The following USP30 variants were observed in gnomAD, a reference collection of about 807,000 sequenced individuals.
USP30 encodes the protein ubiquitin carboxyl-terminal hydrolase 30.
USP30 carries 41 observed loss-of-function variants against 68.2 expected under a neutral mutation model. That is an observed-to-expected ratio of 0.60 (90% confidence interval 0.47 to 0.78). The LOEUF (loss-of-function observed/expected upper bound fraction) is 0.78. Ranked by LOEUF, USP30 falls within the 30% of genes least tolerant of loss-of-function variation. The pLI, the probability that USP30 is intolerant of heterozygous loss-of-function variation, is 0.00. For synonymous variants in USP30, 229 were observed against 253.7 expected (o/e 0.90, Z 0.93); for missense variants, 522 against 649.4 (o/e 0.80, Z 2.13).
intron 7 of USP30, 65 bp downstream of exon 7, chr12:109,073,597 G>A: frequency 1.4e-6 from 2 of 1,429,930 alleles, no homozygotes; most frequent in Non-Finnish European, 2.0e-6. Context: ...ATTCTTGAAA[G>A]GACCTAGAGA....
In USP30 at chr12:109,067,551, A is replaced by T. The variant is rs762546878; in HGVS notation, c.404A>T (p.Asp135Val). ...TTGTCCTGCCAAGAAGTTACTGATG[A>T]TGAGGTCTTAGATGCAAGCTGCTTG... Reference protein sequence around the residue: ...KALSCQEVTDDEVLDASCLLD... With the variant: ...KALSCQEVTDVEVLDASCLLD... Residue 135 changes from aspartate to valine, a missense_variant, in exon 4 of 13, where the codon GAT becomes GTT. Transcript: ENST00000257548. 1 of 1,614,108 alleles carries T rather than the reference A, an allele frequency of 6.2e-7. No homozygotes were observed. Among genetic ancestry groups the T allele is most frequent in the East Asian group, 2.2e-5 (1 of 44,880 alleles).
At position 109,032,018 on chromosome 12, in the gene USP30, C is replaced by G. The variant is rs149172256; in HGVS notation, c.-136+4462C>G. 8.3e-4 allele frequency among the ~76,000 whole-genome samples: 125 copies of G among 151,382 alleles called. 1 individual carries two copies. The highest frequency in any genetic ancestry group is 1.3e-3 in the Non-Finnish European group (89 of 67,958). ...TTGGGAGACTAAGGTAGGAGGATCACTTGAGCCTAGGCAGTCAAAGCTACA... is the reference window on the plus strand; with the variant it reads ...TTGGGAGACTAAGGTAGGAGGATCAGTTGAGCCTAGGCAGTCAAAGCTACA... On this transcript the variant is annotated intron_variant, in intron 3 of 15. Transcript: ENST00000392784.
chr12:109,058,588 T>C lies in USP30; in HGVS notation c.376+480T>C, dbSNP rs945477861. Among the ~76,000 whole-genome samples, 400 of 128,066 alleles carry C rather than the reference T, an allele frequency of 3.1e-3. 6 individuals are homozygous for C. The highest frequency in any genetic ancestry group is 0.011 in the African/African-American group (391 of 34,924). The allele number at this position is 128,066 out of a possible 152,430, so 84.0% of individuals were successfully genotyped here. ...ACTCCGTCTCAAAAAAAAAAAAAAA[T>C]CAAAGATGGAACCATTTATTTTTTA... On this transcript the variant is annotated intron_variant, in intron 3 of 12. Transcript: ENST00000257548.
At position 109,081,660 on chromosome 12, in the gene USP30, C is replaced by CACACACACACACACAG. The variant is rs2041806623; in HGVS notation, c.780+270_781-269insCACACACACACAGACA. 8.8e-6 allele frequency: 5 copies of CACACACACACACACAG among 565,438 alleles called. No homozygotes were observed. In the South Asian group the frequency reaches 1.1e-4, roughly 12 times the overall value. The allele number at this position is 565,438 out of a possible 1,614,324, so 35.0% of individuals were successfully genotyped here. A position where few individuals can be genotyped will look rare whatever the true frequency, so the allele number is the denominator to read the frequency against. ...ACACACACACACACACACACACACA[C>CACACACACACACACAG]ACAGACATTAACCTCAGATTGAAAG... On this transcript the variant is annotated intron_variant, in intron 8 of 12. Transcript: ENST00000257548.
chr12:109,051,674 A>G (rs2040676793), upstream of USP30, among the ~76,000 whole-genome samples: 1 of 150,886 alleles, frequency 6.6e-6, no homozygotes, highest in Non-Finnish European at 1.5e-5. Flanking sequence ...GGTTCAAGCA[A>G]TTCTCCTGCC....
chr12:109,085,308 T>C (rs2041915278), intron 12 of USP30, among the ~76,000 whole-genome samples: 1 of 152,140 alleles, frequency 6.6e-6, no homozygotes, highest in African/African-American at 2.4e-5. Context: ...TATATATGTG[T>C]GTATGTATAA....
In USP30 at chr12:109,028,236, T is replaced by C. The variant is rs146498790; in HGVS notation, c.-136+680T>C. On this transcript the variant is annotated intron_variant, in intron 3 of 15. Transcript: ENST00000392784. ...TTGTTCGGGGATTTTTGCTGTTGAGTTGCAGGAATATTCTATTAGGCCATT... is the reference window on the plus strand; with the variant it reads ...TTGTTCGGGGATTTTTGCTGTTGAGCTGCAGGAATATTCTATTAGGCCATT... Among the ~76,000 whole-genome samples the C allele has an allele frequency of 3.4e-3, 525 of 152,300 alleles. 5 individuals are homozygous for C. Among genetic ancestry groups the C allele is most frequent in the African/African-American group, 0.011 (460 of 41,560 alleles).
chr12:109,043,729 G>T (rs2040580735), intron 3 of USP30, among the ~76,000 whole-genome samples: 1 of 152,168 alleles, frequency 6.6e-6, no homozygotes, highest in South Asian at 2.1e-4. Flanking sequence ...TGGCAAATTG[G>T]ACTTCATGAA....
intron 3 of USP30, among the ~76,000 whole-genome samples, chr12:109,032,143 C>CAA (rs1262380969): frequency 7.1e-6 from 1 of 139,962 alleles, no homozygotes; most frequent in African/African-American, 2.6e-5. Context: ...CCCGTCTCTA[C>CAA]AAAAAAAAAA....
At chr12:109,057,259 G>A (rs1326164138) in intron 2 of USP30, among the ~76,000 whole-genome samples, 1 of 151,668 alleles carries the variant, frequency 6.6e-6, no homozygotes, top group African/African-American at 2.4e-5. Flanking sequence ...TTAAAATTCA[G>A]CAAAGAAAGA....
At position 109,086,172 on chromosome 12, in the gene USP30, G is replaced by A. The variant is rs1461516419; in HGVS notation, c.*241G>A. 6.0e-6 allele frequency: 3 copies of A among 503,222 alleles called. No individual in the cohort carries two copies. The highest frequency in any genetic ancestry group is 1.0e-5 in the Non-Finnish European group (3 of 290,156). 31.2% of individuals were successfully genotyped at this position (503,222 alleles called of 1,614,324 possible). A position where few individuals can be genotyped will look rare whatever the true frequency, so the allele number is the denominator to read the frequency against. ...TAAGAAAGCATTCATTATGTCCGGA[G>A]TGTCTTTTTACTCATCTGATACAGG... is the stretch of plus-strand genomic sequence containing the variant. On this transcript the variant is annotated 3_prime_UTR_variant, in exon 13 of 13. Transcript: ENST00000257548.
chr12:109,083,590 G>A (rs781314551), intron 11 of USP30, among the ~76,000 whole-genome samples: 2 of 152,114 alleles, frequency 1.3e-5, no homozygotes, highest in Admixed American at 6.5e-5. Flanking sequence ...GAGGCTCCAC[G>A]GGGTTGAATG....
Position 109,085,372 on chromosome 12 carries a change from AAC to A in USP30, c.1290-292_1290-291del, listed in dbSNP as rs1255243393. 3.9e-5 allele frequency among the ~76,000 whole-genome samples: 6 copies of A among 152,344 alleles called. No homozygotes were observed. In the South Asian group the frequency reaches 6.2e-4, roughly 16 times the overall value. On this transcript the variant is annotated intron_variant, in intron 12 of 12. Coordinates refer to ENST00000257548, the MANE Select transcript of USP30 (RefSeq NM_032663.5). ...GATACCATCTAGAGATAGCCAATTA[AAC>A]ACTTAGGGTCATGCACTCTATAAAG...
At chr12:109,038,457 T>G (rs2040538350) in intron 3 of USP30, among the ~76,000 whole-genome samples, 1 of 152,156 alleles carries the variant, frequency 6.6e-6, no homozygotes, top group Admixed American at 6.5e-5. Flanking sequence ...ATAGCACACA[T>G]TTTCCTTTTA....
chr12:109,056,765 T>C lies in USP30; in HGVS notation c.167T>C (p.Ile56Thr). The C allele has an allele frequency of 6.2e-7, 1 of 1,611,508 alleles. No individual in the cohort carries two copies. Among genetic ancestry groups the C allele is most frequent in the Non-Finnish European group, 8.5e-7 (1 of 1,179,200 alleles). The change falls in exon 2 of 13, where the codon ATT becomes ACT. Residue 56 changes from isoleucine (I) to threonine (T), a missense_variant. Transcript: ENST00000257548. ...GGAATATATGTTATTTGGGGTCCCA[T>C]TACAGAAAGAAAGAAGCGTAGAAAA... ...AAGIYVIWGP[I>T]TERKKRRKGL...
intron 7 of USP30, among the ~76,000 whole-genome samples, chr12:109,078,179 A>G (rs2041669822): frequency 6.6e-6 from 1 of 152,084 alleles, no homozygotes; most frequent in Non-Finnish European, 1.5e-5. Context: ...TAATCCCAGC[A>G]CTTTGGAAGG....
chr12:109,072,365 T>C lies in USP30; in HGVS notation c.625+15T>C, dbSNP rs369320593. 2.2e-5 allele frequency: 36 copies of C among 1,610,964 alleles called. No individual in the cohort carries two copies. The highest frequency in any genetic ancestry group is 1.3e-4 in the South Asian group (12 of 91,020). On this transcript the variant is annotated intron_variant, in intron 6 of 12. Coordinates refer to ENST00000257548, the MANE Select transcript of USP30 (RefSeq NM_032663.5). ...CCGCACAAGAGGTAGCTGTTTTCCA[T>C]TGAAATATAACACATAAGATGTGGA... is the stretch of plus-strand genomic sequence containing the variant.
rs528207777 is a variant in USP30 at position 109,061,711 on chromosome 12, A to G, written c.376+3603A>G. On this transcript the variant is annotated intron_variant, in intron 3 of 12. Coordinates refer to ENST00000257548, the MANE Select transcript of USP30 (RefSeq NM_032663.5). Reference sequence around the variant, plus strand: ...GGACATGAGCCACCATGCCTGGCCTATAAATAATTTTTTAATTATACAAGT... The same window carrying G: ...GGACATGAGCCACCATGCCTGGCCTGTAAATAATTTTTTAATTATACAAGT... Among the ~76,000 whole-genome samples, 129 of 152,008 alleles carry G rather than the reference A, an allele frequency of 8.5e-4. 1 individual carries two copies. Among genetic ancestry groups the G allele is most frequent in the African/African-American group, 3.1e-3 (127 of 41,462 alleles).
At chr12:109,049,827 G>T (rs1194974634), upstream of USP30, among the ~76,000 whole-genome samples, 3 of 147,278 alleles carry the variant, frequency 2.0e-5, no homozygotes, top group Admixed American at 2.0e-4. Context: ...AAAAAGAAAA[G>T]AAAAAAAAAA....
Sources: allele counts gnomAD v4.1 joint callset (sites outside exome capture counted in the v4.1 genomes callset), GRCh38; gene constraint gnomAD v4.1.1; transcripts MANE v1.5; gene names NCBI Gene and HGNC (gene_info 2026-07-23, HGNC 2026-07-21).